CELSR1: variants seen among roughly 807,000 people sequenced by gnomAD.
The protein encoded by CELSR1 is cadherin EGF LAG seven-pass G-type receptor 1, also known as adhesion G protein-coupled receptor C1.
Under a neutral mutation model 249.1 loss-of-function variants are expected in CELSR1, and 110 were observed. The observed-to-expected ratio is 0.44, with a 90% CI of 0.38 to 0.52. The LOEUF (loss-of-function observed/expected upper bound fraction) is 0.52. Among genes scored for constraint, CELSR1 ranks in the 20% least tolerant of loss-of-function variants. CELSR1 has a pLI of 0.00. For synonymous variants in CELSR1, 2,113 were observed against 1,900.0 expected (o/e 1.11, Z -2.92); for missense variants, 4,109 against 4,296.4 (o/e 0.96, Z 1.22).
rs1162826954 is a variant in CELSR1 at position 46,436,093 on chromosome 22, C to G, written c.4522+81G>C. ...TGAAAGGGTAAGCAGCTTGGAGGCG[C>G]TGCACAGGGCGAGGGTCGTTTTAAC... On this transcript the variant is annotated intron_variant, in intron 4 of 34. Transcript: ENST00000674500. The surrounding 1 kb of genome is among the most constrained non-coding windows in gnomAD (Gnocchi z 5.9). 2.5e-5 allele frequency: 27 copies of G among 1,082,058 alleles called. No individual in the cohort carries two copies. The highest frequency in any genetic ancestry group is 3.6e-5 in the Non-Finnish European group (26 of 717,430). 67.0% of individuals were successfully genotyped at this position (1,082,058 alleles called of 1,614,324 possible).
chr22:46,497,963 G>T (rs2080428617), intron 1 of CELSR1, among the ~76,000 whole-genome samples: 1 of 117,140 alleles, frequency 8.5e-6, no homozygotes, highest in Non-Finnish European at 1.9e-5. Flanking sequence ...AGATAGTCTG[G>T]TGGGGCCAGG....
rs3788720 is a variant in CELSR1 at position 46,506,403 on chromosome 22, G to A, written c.3544+27224C>T. Among the ~76,000 whole-genome samples the A allele has an allele frequency of 0.19, 28,957 of 151,958 alleles. 3,028 individuals are homozygous for A. The highest frequency in any genetic ancestry group is 0.27 in the Middle Eastern group (79 of 294). On this transcript the variant is annotated intron_variant, in intron 1 of 34. Transcript: ENST00000674500. This position sits in a 1 kb window ranked among gnomAD's most constrained non-coding sequence, Gnocchi z 4.1. ...ACTTACTGAGCCCCTCAGTTTCCCAGATCTCAGACTTGGGCTCAACCCCTG... is the reference window on the plus strand; with the variant it reads ...ACTTACTGAGCCCCTCAGTTTCCCAAATCTCAGACTTGGGCTCAACCCCTG...
Position 46,378,581 on chromosome 22 carries a change from G to A in CELSR1, c.7383+10C>T, listed in dbSNP as rs529363537. 1 of 1,557,268 alleles carries A rather than the reference G, an allele frequency of 6.4e-7. No homozygotes were observed. Among genetic ancestry groups the A allele is most frequent in the Non-Finnish European group, 8.7e-7 (1 of 1,150,280 alleles). ...CCCAGAGGGCACAGTGGCCACGGGAGGATGCCCACCTCACGCCTGGAGATA... is the reference window on the plus strand; with the variant it reads ...CCCAGAGGGCACAGTGGCCACGGGAAGATGCCCACCTCACGCCTGGAGATA... On this transcript the variant is annotated intron_variant, in intron 23 of 34. Coordinates refer to ENST00000674500, the MANE Select transcript of CELSR1 (RefSeq NM_001378328.1).
At chr22:46,519,516 C>T (rs958550338) in intron 1 of CELSR1, among the ~76,000 whole-genome samples, 6 of 152,228 alleles carry the variant, frequency 3.9e-5, no homozygotes, top group Non-Finnish European at 7.3e-5. Context: ...GTCTCAGCCG[C>T]CCACTACAGC....
intron 25 of CELSR1, among the ~76,000 whole-genome samples, chr22:46,371,480 A>T (rs9615966): frequency 0.27 from 41,458 of 152,080 alleles, 9,613 homozygotes; most frequent in African/African-American, 0.64. Flanking sequence ...TTCTGATTTT[A>T]AGCAAAATGT....
At chr22:46,378,982 TC>T (rs1279196577) in intron 22 of CELSR1, among the ~76,000 whole-genome samples, 1 of 152,176 alleles carries the variant, frequency 6.6e-6, no homozygotes, top group Non-Finnish European at 1.5e-5. Flanking sequence ...GGGAACAGTC[TC>T]CCTTCCCTTC....
In CELSR1 at chr22:46,361,787, C is replaced by T. The variant is rs1219899784; in HGVS notation, c.*1436G>A. On this transcript the variant is annotated 3_prime_UTR_variant, in exon 35 of 35. Transcript: ENST00000674500. ...TTTTATGGTTTCTCCTATTTGGAAG[C>T]AGCTGTGCTGATCACTTATTTGGGC... The T allele has an allele frequency of 1.3e-5, 2 of 152,260 alleles. No individual in the cohort carries two copies. The highest frequency in any genetic ancestry group is 2.9e-5 in the Non-Finnish European group (2 of 68,048). 9.4% of individuals were successfully genotyped at this position (152,260 alleles called of 1,614,324 possible).
At chr22:46,481,359 C>G in intron 1 of CELSR1, 1 of 835,564 alleles carries the variant, frequency 1.2e-6, no homozygotes, top group Non-Finnish European at 2.0e-6. Context: ...CCTCCTTCAC[C>G]TTCTCGGTCA....
rs1273245016 is a variant in CELSR1, at chr22:46,512,570, T to C, written c.3544+21057A>G. Among the ~76,000 whole-genome samples the C allele has an allele frequency of 1.8e-4, 28 of 152,172 alleles. No homozygotes were observed. The highest frequency in any genetic ancestry group is 1.5e-5 in the Non-Finnish European group (1 of 67,992). ...CTGGGTGAAAGAGTGAGACTCCATC[T>C]CAACAACAACAAAAAATCAAGGCCC... On this transcript the variant is annotated intron_variant, in intron 1 of 34. Transcript: ENST00000674500. The surrounding 1 kb of genome is among the most constrained non-coding windows in gnomAD (Gnocchi z 5.2).
In CELSR1 at chr22:46,398,832, G is replaced by A. The variant is rs1442812024; in HGVS notation, c.5413-195C>T. Among the ~76,000 whole-genome samples the A allele has an allele frequency of 1.3e-5, 2 of 152,206 alleles. No individual in the cohort carries two copies. The highest frequency in any genetic ancestry group is 2.4e-5 in the African/African-American group (1 of 41,450). ...GCTGGCTGTGATGACCAGGGCGAGG[G>A]GACCAGGCCAGAGGATGGGTGTCCA... On this transcript the variant is annotated intron_variant, in intron 10 of 34. Coordinates refer to ENST00000674500, the MANE Select transcript of CELSR1 (RefSeq NM_001378328.1). The surrounding 1 kb of genome is among the most constrained non-coding windows in gnomAD (Gnocchi z 7.2).
rs1168258082 is a variant in CELSR1, at chr22:46,447,507, C to G, written c.4184-8096G>C. Among the ~76,000 whole-genome samples the G allele has an allele frequency of 1.3e-5, 2 of 152,154 alleles. No individual in the cohort carries two copies. The highest frequency in any genetic ancestry group is 2.9e-5 in the Non-Finnish European group (2 of 68,036). On this transcript the variant is annotated intron_variant, in intron 2 of 34. Transcript: ENST00000674500. The surrounding 1 kb of genome is among the most constrained non-coding windows in gnomAD (Gnocchi z 4.7). ...CCATCACCATGGCAGCCTCGCCTCCCACACCAAGGATAGAGTCCACCTGGG... is the reference window on the plus strand; with the variant it reads ...CCATCACCATGGCAGCCTCGCCTCCGACACCAAGGATAGAGTCCACCTGGG...
intron 1 of CELSR1, among the ~76,000 whole-genome samples, chr22:46,514,900 G>A (rs777620789): frequency 2.6e-5 from 4 of 152,150 alleles, no homozygotes; most frequent in African/African-American, 4.8e-5. Context: ...AGGCCTGGGG[G>A]ATGAGCACCT....
At position 46,437,553 on chromosome 22, in the gene CELSR1, C is replaced by T. The variant is rs567348202; in HGVS notation, c.4407-1264G>A. On this transcript the variant is annotated intron_variant, in intron 3 of 34. Transcript: ENST00000674500. This position sits in a 1 kb window ranked among gnomAD's most constrained non-coding sequence, Gnocchi z 4.9. The stretch of plus-strand genomic sequence containing the variant: ...GGTGGATCACCTGAGGTCAGGTTGA[C>T]CAGCCTGGCCAACATGGTGAAACCC... 9.2e-5 allele frequency among the ~76,000 whole-genome samples: 14 copies of T among 152,228 alleles called. No individual in the cohort carries two copies. The highest frequency in any genetic ancestry group is 3.4e-4 in the African/African-American group (14 of 41,538).
At chr22:46,509,250 G>A (rs1183822126) in intron 1 of CELSR1, among the ~76,000 whole-genome samples, 4 of 152,304 alleles carry the variant, frequency 2.6e-5, no homozygotes, top group African/African-American at 7.2e-5. Flanking sequence ...CCTGCAAAGC[G>A]GGGGCTCCAA....
At chr22:46,364,361 C>G in intron 33 of CELSR1, 110 bp from the exon 34 acceptor site, 1 of 1,528,040 alleles carries the variant, frequency 6.5e-7, no homozygotes, top group Non-Finnish European at 8.8e-7. Flanking sequence ...TCCTGGTTCC[C>G]CGGGTCCCAG....
chr22:46,418,829 G>A (rs1014728100), intron 5 of CELSR1, among the ~76,000 whole-genome samples: 1 of 152,202 alleles, frequency 6.6e-6, no homozygotes, highest in Admixed American at 6.5e-5. Context: ...TCTCAGGCAA[G>A]GGGGTCTAAC....
chr22:46,460,211 A>ACCCACACCCACACC (rs200173937), intron 2 of CELSR1, among the ~76,000 whole-genome samples: 2,307 of 148,970 alleles, frequency 0.015, 43 homozygotes, highest in Non-Finnish European at 0.021. Context: ...ACACACACAC[A>ACCCACACCCACACC]CACACCCATT....
Position 46,409,300 on chromosome 22 carries a change from C to A in CELSR1, c.5060-138G>T, listed in dbSNP as rs1017719917. The A allele has an allele frequency of 1.2e-6, 1 of 826,268 alleles. No homozygotes were observed. The highest frequency in any genetic ancestry group is 1.7e-5 in the African/African-American group (1 of 57,824). 51.2% of individuals were successfully genotyped at this position (826,268 alleles called of 1,614,324 possible). On this transcript the variant is annotated intron_variant, in intron 8 of 34. Transcript: ENST00000674500. This position sits in a 1 kb window ranked among gnomAD's most constrained non-coding sequence, Gnocchi z 9.8. ...AACACGAAGGTGGGTCTGAGCCTCC[C>A]CTCTGTGACGCATCCAGCCCTCACA...
Position 46,488,665 on chromosome 22 carries a change from C to CT in CELSR1, c.3545-24321dup, listed in dbSNP as rs59440802. 3.1e-4 allele frequency among the ~76,000 whole-genome samples: 46 copies of CT among 147,588 alleles called. No individual in the cohort carries two copies. Among genetic ancestry groups the CT allele is most frequent in the Admixed American group, 6.7e-4 (10 of 14,940 alleles). ...ACCACTCCCGTGCCACAGCCCTGCC[C>CT]TTTTTTTTTTTTGAGACGGAGTCTT... On this transcript the variant is annotated intron_variant, in intron 1 of 34. Coordinates refer to ENST00000674500, the MANE Select transcript of CELSR1 (RefSeq NM_001378328.1). This position sits in a 1 kb window ranked among gnomAD's most constrained non-coding sequence, Gnocchi z 4.7.
Sources: gnomAD v4.1 joint callset for allele counts (sites outside exome capture counted in the v4.1 genomes callset) on GRCh38, gnomAD v4.1.1 for gene constraint, Gnocchi (gnomAD v3.1) non-coding constraint, MANE v1.5 for transcripts, NCBI Gene and HGNC (gene_info 2026-07-23, HGNC 2026-07-21) for gene names.